Variants in TAB1 observed in about 807,000 individuals in gnomAD.
TAB1 encodes TGF-beta activated kinase 1 (MAP3K7) binding protein 1.
TAB1 carries 30 observed loss-of-function variants against 54.5 expected under a neutral mutation model. The observed-to-expected ratio is 0.55, with a 90% CI of 0.41 to 0.75. The LOEUF (loss-of-function observed/expected upper bound fraction) is 0.75. Ranked by LOEUF, TAB1 falls within the 30% of genes least tolerant of loss-of-function variation. TAB1 has a pLI of 0.00. For synonymous variants in TAB1, 289 were observed against 286.9 expected, an observed-to-expected ratio of 1.01 and a Z score of -0.07; for missense variants, 609 against 683.2, an observed-to-expected ratio of 0.89 and a Z score of 1.21.
chr22:39,430,033 C>A lies in TAB1; in HGVS notation c.1326C>A (p.Thr442=), dbSNP rs568782512. Residue 442 remains threonine (T), a synonymous_variant, in exon 11 of 11, where the codon ACC becomes ACA. Transcript: ENST00000216160. ...PTLTNQSPTL[T]LQSTNTHTQS... ...CCTGCAGCCAAAGCCCGACCTTAAC[C>A]CTGCAGTCCACCAACACGCACACGC... The A allele has an allele frequency of 6.2e-7, 1 of 1,613,656 alleles. No individual in the cohort carries two copies. Among genetic ancestry groups the A allele is most frequent in the South Asian group, 1.1e-5 (1 of 91,052 alleles).
chr22:39,429,431 G>A lies in TAB1; in HGVS notation c.1308-584G>A, dbSNP rs111828801. 161 of 908,554 alleles carry A rather than the reference G, an allele frequency of 1.8e-4. No individual in the cohort carries two copies. The African/African-American group carries it at 2.3e-3, about 13-fold the overall frequency. The allele number at this position is 908,554 out of a possible 1,614,324, so 56.3% of individuals were successfully genotyped here. On this transcript the variant is annotated intron_variant, in intron 10 of 10. Coordinates refer to ENST00000216160, the MANE Select transcript of TAB1 (RefSeq NM_006116.3). ...CGCGTGGGTGCTGTCCTGTCACGGCGTCTCTAGCCACTTGTGGCTATTAGA... is the reference window on the plus strand; with the variant it reads ...CGCGTGGGTGCTGTCCTGTCACGGCATCTCTAGCCACTTGTGGCTATTAGA...
chr22:39,422,695 C>T (rs1008492592), intron 8 of TAB1, among the ~76,000 whole-genome samples: 1 of 152,166 alleles, frequency 6.6e-6, no homozygotes, highest in Non-Finnish European at 1.5e-5. Context: ...CCGCGCCCGG[C>T]AGTTCACTTC....
chr22:39,436,771 C>T, downstream of TAB1: 1 of 590,868 alleles, frequency 1.7e-6, no homozygotes, highest in Non-Finnish European at 3.0e-6. Context: ...CTTCAGGACC[C>T]AGCTCACTCT....
chr22:39,406,355 C>T lies in TAB1; in HGVS notation c.33+6520C>T, dbSNP rs547862989. ...CAGAGCTTGCAGTGAGCCAAGATCGCGCCACTGCACTCCAGCCTGGGCGAC... is the reference window on the plus strand; with the variant it reads ...CAGAGCTTGCAGTGAGCCAAGATCGTGCCACTGCACTCCAGCCTGGGCGAC... On this transcript the variant is annotated intron_variant, in intron 1 of 10. Transcript: ENST00000216160. 1.1e-4 allele frequency among the ~76,000 whole-genome samples: 16 copies of T among 144,460 alleles called. No homozygotes were observed. The East Asian group carries it at 2.6e-3, about 24-fold the overall frequency. The allele number at this position is 144,460 out of a possible 152,430, so 94.8% of individuals were successfully genotyped here. A position where few individuals can be genotyped will look rare whatever the true frequency, so the allele number is the denominator to read the frequency against.
intron 1 of TAB1, among the ~76,000 whole-genome samples, chr22:39,404,517 A>G (rs1475278823): frequency 6.6e-6 from 1 of 151,752 alleles, no homozygotes; most frequent in Non-Finnish European, 1.5e-5. Context: ...TAGTGAGGCT[A>G]TGATCCCCTC....
chr22:39,429,484 T>G (rs1927493054), intron 10 of TAB1: 1 of 640,724 alleles, frequency 1.6e-6, no homozygotes. Flanking sequence ...CCATTTTCTT[T>G]CCATTTTTTT....
chr22:39,429,527 G>T, intron 10 of TAB1: 1 of 376,438 alleles, frequency 2.7e-6, no homozygotes, highest in Non-Finnish European at 3.7e-6. Flanking sequence ...GCCCAGGCTG[G>T]AGTGCAATGG....
At position 39,416,874 on chromosome 22, in the gene TAB1, A is replaced by G. The variant is rs368808459; in HGVS notation, c.408A>G (p.Pro136=). ...AGGCAAGCCTCCAGTCGCAATTGCC[A>G]GAGGTAATTTCCCCAGCCGACACCC... ...AEKASLQSQL[P]EGVPQHQLPP... The change falls in exon 4 of 11, where the codon CCA becomes CCG. Residue 136 remains proline (P), a synonymous_variant. Coordinates refer to ENST00000216160, the MANE Select transcript of TAB1 (RefSeq NM_006116.3). 6 of 1,614,202 alleles carry G rather than the reference A, an allele frequency of 3.7e-6. No homozygotes were observed. Among genetic ancestry groups the G allele is most frequent in the Non-Finnish European group, 5.1e-6 (6 of 1,180,022 alleles).
chr22:39,432,779 G>A (rs559363758), downstream of TAB1: 16 of 985,706 alleles, frequency 1.6e-5, no homozygotes, highest in South Asian at 4.7e-5. Context: ...GTGTGGGGCC[G>A]GGCGCTGCAC....
downstream of TAB1, chr22:39,432,772 T>TGG (rs1243396222): frequency 1.0e-6 from 1 of 985,714 alleles, no homozygotes; most frequent in Non-Finnish European, 1.2e-6. Context: ...CCTAAGCGTG[T>TGG]GGGGCCGGGC....
At chr22:39,434,888 A>G (rs957532136), downstream of TAB1, among the ~76,000 whole-genome samples, 2 of 152,244 alleles carry the variant, frequency 1.3e-5, no homozygotes, top group Non-Finnish European at 2.9e-5. Context: ...ATCTTGTGGT[A>G]CAGACAGTGC....
At chr22:39,416,401 A>G (rs1197773779) in intron 3 of TAB1, among the ~76,000 whole-genome samples, 7 of 152,242 alleles carry the variant, frequency 4.6e-5, no homozygotes, top group Non-Finnish European at 2.9e-5. Context: ...GCTGAGTGCC[A>G]GGTTGGACTG....
chr22:39,426,660 C>T lies in TAB1; in HGVS notation c.922-43C>T, dbSNP rs141772982. 973 of 1,535,792 alleles carry T rather than the reference C, an allele frequency of 6.3e-4. 1 individual carries two copies. The Middle Eastern group carries it at 8.5e-3, about 13-fold the overall frequency. On this transcript the variant is annotated intron_variant, in intron 8 of 10. Transcript: ENST00000216160. ...AGATTATGGCCCATGCCCCCCAGGCCGCACCTCGTTCCTTACCAGGTTCTT... is the reference window on the plus strand; with the variant it reads ...AGATTATGGCCCATGCCCCCCAGGCTGCACCTCGTTCCTTACCAGGTTCTT...
chr22:39,421,876 C>G lies in TAB1; in HGVS notation c.826C>G (p.Gln276Glu). 1 of 1,614,072 alleles carries G rather than the reference C, an allele frequency of 6.2e-7. No homozygotes were observed. The highest frequency in any genetic ancestry group is 8.5e-7 in the Non-Finnish European group (1 of 1,179,974). The change falls in exon 8 of 11, where the codon CAG becomes GAG. Residue 276 changes from glutamine (Q) to glutamate (E), a missense_variant. Coordinates refer to ENST00000216160, the MANE Select transcript of TAB1 (RefSeq NM_006116.3). ...CGCAGAGCCAGAAATCCATGGGGCA[C>G]AGCCGCTGGATGGGGTGACGGGCTT... ...IIAEPEIHGA[Q>E]PLDGVTGFLV... is the part of the protein sequence containing the mutation.
chr22:39,428,704 A>G (rs1927457780), intron 10 of TAB1, among the ~76,000 whole-genome samples: 1 of 152,160 alleles, frequency 6.6e-6, no homozygotes, highest in Admixed American at 6.5e-5. Context: ...TCACTTCCTT[A>G]GAATGTGCAC....
At chr22:39,407,105 A>C (rs979575112) in intron 1 of TAB1, among the ~76,000 whole-genome samples, 14 of 152,232 alleles carry the variant, frequency 9.2e-5, no homozygotes, top group African/African-American at 3.4e-4. Context: ...ATATAAATTT[A>C]GATTTAAAAC....
At chr22:39,422,362 C>T (rs994517120) in intron 8 of TAB1, among the ~76,000 whole-genome samples, 1 of 151,576 alleles carries the variant, frequency 6.6e-6, no homozygotes, top group Admixed American at 6.6e-5. Context: ...TTACTGCCCT[C>T]CCTGAGTGGC....
At position 39,415,096 on chromosome 22, in the gene TAB1, A is replaced by G; in HGVS notation, c.124A>G (p.Lys42Glu). The G allele has an allele frequency of 6.2e-7, 1 of 1,611,198 alleles. No homozygotes were observed. Among genetic ancestry groups the G allele is most frequent in the South Asian group, 1.1e-5 (1 of 90,888 alleles). The part of the protein sequence containing the change: ...ASNRSYSADG[K>E]GTESHPPEDS... ...CAACCGCAGCTACTCTGCTGATGGC[A>G]AGGGCACTGAGAGCCACCCGCCAGA... Residue 42 changes from lysine to glutamate, a missense_variant, in exon 2 of 11, where the codon AAG becomes GAG. By Grantham distance (56) the Lys-to-Glu change is moderately conservative. Coordinates refer to ENST00000216160, the MANE Select transcript of TAB1 (RefSeq NM_006116.3). This position sits in a 1 kb window ranked among gnomAD's most constrained non-coding sequence, Gnocchi z 4.9.
chr22:39,424,943 T>A (rs1033583888), intron 8 of TAB1, among the ~76,000 whole-genome samples: 1 of 152,136 alleles, frequency 6.6e-6, no homozygotes, highest in Non-Finnish European at 1.5e-5. Flanking sequence ...CATTTCCTAT[T>A]ACCTGTCCCT....
Sources: allele counts gnomAD v4.1 joint callset (sites outside exome capture counted in the v4.1 genomes callset), GRCh38; gene constraint gnomAD v4.1.1; non-coding constraint Gnocchi (gnomAD v3.1); transcripts MANE v1.5; gene names NCBI Gene and HGNC (gene_info 2026-07-23, HGNC 2026-07-21).